The following RPS6KA2 variants were observed in gnomAD, a reference collection of about 807,000 sequenced individuals.
RPS6KA2 encodes ribosomal protein S6 kinase A2.
Under a neutral mutation model 91.8 loss-of-function variants are expected in RPS6KA2, and 42 were observed. The observed-to-expected ratio is 0.46, with a 90% CI of 0.36 to 0.59. The LOEUF (loss-of-function observed/expected upper bound fraction) is 0.59, where lower values mean the gene tolerates loss of function less well. RPS6KA2 is among the 20% of genes least tolerant of loss of function. The pLI is 0.00. For missense variants in RPS6KA2, 798 were observed against 978.5 expected (o/e 0.82, Z 2.46); for synonymous variants, 414 against 393.6 (o/e 1.05, Z -0.61).
intron 1 of RPS6KA2, among the ~76,000 whole-genome samples, chr6:166,568,325 A>G (rs1784564362): frequency 6.6e-6 from 1 of 152,120 alleles, no homozygotes; most frequent in South Asian, 2.1e-4. Flanking sequence ...TCCAAAATCT[A>G]TTACTTGGCC....
chr6:166,740,051 C>T (rs1040502756), intron 2 of RPS6KA2, among the ~76,000 whole-genome samples: 3 of 152,238 alleles, frequency 2.0e-5, no homozygotes, highest in African/African-American at 7.2e-5. Context: ...GCCCAGGGCC[C>T]TGATGTCCCA....
intron 2 of RPS6KA2, among the ~76,000 whole-genome samples, chr6:166,808,237 G>C (rs942872922): frequency 6.6e-6 from 1 of 152,196 alleles, no homozygotes; most frequent in African/African-American, 2.4e-5. Flanking sequence ...GGCCTGGACA[G>C]ACCTTTCTTG....
chr6:166,833,425 C>A (rs1359555536), intron 2 of RPS6KA2, among the ~76,000 whole-genome samples: 1 of 152,178 alleles, frequency 6.6e-6, no homozygotes, highest in Non-Finnish European at 1.5e-5. Flanking sequence ...TACCTACAGG[C>A]GAATTCACTT....
chr6:166,720,608 T>A (rs1452370841), intron 2 of RPS6KA2, among the ~76,000 whole-genome samples: 1 of 152,240 alleles, frequency 6.6e-6, no homozygotes, highest in African/African-American at 2.4e-5. Flanking sequence ...AAACTAGCAC[T>A]AAATAATTCA....
chr6:166,813,955 T>A (rs1779699831), intron 2 of RPS6KA2, among the ~76,000 whole-genome samples: 1 of 152,260 alleles, frequency 6.6e-6, no homozygotes, highest in Non-Finnish European at 1.5e-5. Flanking sequence ...TGTTTAATGA[T>A]GGCCGGTGTC....
chr6:166,853,380 G>A (rs1737403348), intron 2 of RPS6KA2, among the ~76,000 whole-genome samples: 1 of 152,246 alleles, frequency 6.6e-6, no homozygotes. Flanking sequence ...CTAAGAACAT[G>A]TAGGGAACAA....
intron 1 of RPS6KA2, among the ~76,000 whole-genome samples, chr6:166,859,449 T>C (rs1054489309): frequency 1.3e-5 from 2 of 152,228 alleles, no homozygotes; most frequent in Admixed American, 1.3e-4. Context: ...TGCCTTCAAC[T>C]TGCCAGAACA....
chr6:166,601,410 C>A (rs1161030543), intron 1 of RPS6KA2, among the ~76,000 whole-genome samples: 1 of 152,182 alleles, frequency 6.6e-6, no homozygotes, highest in Non-Finnish European at 1.5e-5. Flanking sequence ...CGCAAGTTGT[C>A]TCCAAAAGCT....
At chr6:166,729,071 C>G (rs1003847821) in intron 2 of RPS6KA2, among the ~76,000 whole-genome samples, 6 of 152,198 alleles carry the variant, frequency 3.9e-5, no homozygotes, top group African/African-American at 1.2e-4. Context: ...AGCAGGTGTG[C>G]CAGCATGCTC....
chr6:166,482,705 C>A (rs1781275246), intron 10 of RPS6KA2, among the ~76,000 whole-genome samples: 2 of 152,198 alleles, frequency 1.3e-5, no homozygotes, highest in African/African-American at 4.8e-5. Flanking sequence ...AGAAAACCCA[C>A]CCAAATTAGT....
rs1031200456 is a variant in RPS6KA2, at chr6:166,421,992, C to T, written c.1743+1264G>A. ...TCGGCTCACTGCAACCTCCACTTCC[C>T]GGGTTCAAGCGATTCTCCTGCCTCA... On this transcript the variant is annotated intron_variant, in intron 17 of 20. Coordinates refer to ENST00000265678, the MANE Select transcript of RPS6KA2 (RefSeq NM_021135.6). Among the ~76,000 whole-genome samples, 8 of 151,984 alleles carry T rather than the reference C, an allele frequency of 5.3e-5. 1 individual carries two copies. The highest frequency in any genetic ancestry group is 1.2e-4 in the African/African-American group (5 of 41,374).
At chr6:166,822,064 T>A (rs1779918795) in intron 2 of RPS6KA2, among the ~76,000 whole-genome samples, 1 of 152,062 alleles carries the variant, frequency 6.6e-6, no homozygotes, top group African/African-American at 2.4e-5. Flanking sequence ...GCCACCACCA[T>A]CCCTCCTGGA....
At chr6:166,682,743 C>G (rs1788869294) in intron 2 of RPS6KA2, among the ~76,000 whole-genome samples, 1 of 152,208 alleles carries the variant, frequency 6.6e-6, no homozygotes, top group Non-Finnish European at 1.5e-5. Context: ...TGGAACCTGT[C>G]TCCCCACACC....
chr6:166,630,072 C>T (rs1416538434), upstream of RPS6KA2, among the ~76,000 whole-genome samples: 1 of 152,184 alleles, frequency 6.6e-6, no homozygotes, highest in Non-Finnish European at 1.5e-5. Context: ...GGCCTTTGCT[C>T]TGAACCCCTG....
rs566476184 is a variant in RPS6KA2 at position 166,673,367 on chromosome 6, G to T, written c.124-134583C>A. On this transcript the variant is annotated intron_variant, in intron 2 of 21. Coordinates refer to the RPS6KA2 transcript ENST00000503859. ...CAGAGCTGTCATTCCAACTGCAGCT[G>T]CCATAAGGGGGTGCCCAGGACCAGG... is the stretch of plus-strand genomic sequence containing the variant. 1.5e-3 allele frequency among the ~76,000 whole-genome samples: 232 copies of T among 152,342 alleles called. 3 individuals are homozygous for T. The highest frequency in any genetic ancestry group is 5.2e-3 in the African/African-American group (217 of 41,576).
rs563522338 is a variant in RPS6KA2 at position 166,653,729 on chromosome 6, A to G, written c.124-114945T>C. Among the ~76,000 whole-genome samples, 77 of 152,380 alleles carry G rather than the reference A, an allele frequency of 5.1e-4. 1 individual carries two copies. Among genetic ancestry groups the G allele is most frequent in the African/African-American group, 1.8e-3 (73 of 41,590 alleles). On this transcript the variant is annotated intron_variant, in intron 2 of 21. Coordinates refer to the RPS6KA2 transcript ENST00000503859. The stretch of plus-strand genomic sequence containing the variant: ...ACTTGAAATCCCATCTCAGCGGCAC[A>G]TGAATTCCAGGTAGCGGCTCCCTGG...
rs1342143656 is a variant in RPS6KA2, at chr6:166,493,149, T to A, written c.748-2408A>T. Among the ~76,000 whole-genome samples, 1 of 152,106 alleles carries A rather than the reference T, an allele frequency of 6.6e-6. No homozygotes were observed. Among genetic ancestry groups the A allele is most frequent in the Non-Finnish European group, 1.5e-5 (1 of 68,012 alleles). ...CCATATGGTAGGAGGTCCCCAACCA[T>A]CTACTCAGCCAGAGAACACCCAGCA... On this transcript the variant is annotated intron_variant, in intron 8 of 20. Coordinates refer to ENST00000265678, the MANE Select transcript of RPS6KA2 (RefSeq NM_021135.6). This position sits in a 1 kb window ranked among gnomAD's most constrained non-coding sequence, Gnocchi z 4.7.
chr6:166,437,550 G>T lies in RPS6KA2; in HGVS notation c.1333-5060C>A, dbSNP rs1779368008. ...GGACTCCTACAACCTCCAGAGAAGG[G>T]CATTCTCCAGGGGTTGGCCACCCAC... is the stretch of plus-strand genomic sequence containing the variant. On this transcript the variant is annotated intron_variant, in intron 14 of 20. Transcript: ENST00000265678. This position sits in a 1 kb window ranked among gnomAD's most constrained non-coding sequence, Gnocchi z 4.3. Among the ~76,000 whole-genome samples the T allele has an allele frequency of 6.6e-6, 1 of 152,326 alleles. No individual in the cohort carries two copies. The highest frequency in any genetic ancestry group is 2.1e-4 in the South Asian group (1 of 4,828).
intron 2 of RPS6KA2, among the ~76,000 whole-genome samples, chr6:166,736,526 C>CA (rs1233685802): frequency 4.6e-5 from 7 of 152,180 alleles, no homozygotes; most frequent in Admixed American, 1.3e-4. Context: ...AAAATATATC[C>CA]AAACTCAATG....
Sources: allele counts gnomAD v4.1 joint callset (sites outside exome capture counted in the v4.1 genomes callset), GRCh38; gene constraint gnomAD v4.1.1; non-coding constraint Gnocchi (gnomAD v3.1); transcripts MANE v1.5; gene names NCBI Gene and HGNC (gene_info 2026-07-23, HGNC 2026-07-21).